CRYBG3: variants seen among roughly 807,000 people sequenced by gnomAD.
CRYBG3 encodes crystallin beta-gamma domain containing 3.
In CRYBG3, 127 loss-of-function variants were observed where a neutral mutation model predicts 244.2. That is an observed-to-expected ratio of 0.52 (90% confidence interval 0.45 to 0.60). CRYBG3 has a LOEUF of 0.60. CRYBG3 is among the 20% of genes least tolerant of loss of function. CRYBG3 has a pLI of 0.00. For synonymous variants in CRYBG3, 1,132 were observed against 1,195.8 expected, an observed-to-expected ratio of 0.95 and a Z score of 1.10; for missense variants, 3,325 against 3,442.5, an observed-to-expected ratio of 0.97 and a Z score of 0.85.
At chr3:97,846,230 T>C (rs1317087353) in intron 2 of CRYBG3, among the ~76,000 whole-genome samples, 1 of 152,226 alleles carries the variant, frequency 6.6e-6, no homozygotes, top group Non-Finnish European at 1.5e-5. Flanking sequence ...TCTTTGCTTC[T>C]GTGATATTGT....
At chr3:97,834,719 A>C (rs960933501) in intron 1 of CRYBG3, among the ~76,000 whole-genome samples, 1 of 152,134 alleles carries the variant, frequency 6.6e-6, no homozygotes, top group East Asian at 1.9e-4. Context: ...CAAATAAAAA[A>C]TTTTTGGCAA....
intron 3 of CRYBG3, chr3:97,867,019 A>T (rs892252519): frequency 6.6e-6 from 1 of 152,166 alleles, no homozygotes; most frequent in African/African-American, 2.4e-5. Flanking sequence ...TATGCCTAAG[A>T]ATTATAATTT....
At chr3:97,900,368 A>T (rs762991702) in intron 14 of CRYBG3, 85 bp from the exon 15 acceptor site, 13 of 865,624 alleles carry the variant, frequency 1.5e-5, no homozygotes, top group Middle Eastern at 2.6e-4. Context: ...AGAAAAAAAA[A>T]TTTTTTTCAA....
intron 1 of CRYBG3, among the ~76,000 whole-genome samples, chr3:97,833,006 C>G (rs901298054): frequency 2.0e-5 from 3 of 152,106 alleles, no homozygotes; most frequent in Non-Finnish European, 4.4e-5. Context: ...AAATCAAAAC[C>G]ACAATGAGAT....
chr3:97,923,393 C>CTA (rs1387918686), intron 17 of CRYBG3, among the ~76,000 whole-genome samples: 2 of 151,752 alleles, frequency 1.3e-5, no homozygotes, highest in Non-Finnish European at 2.9e-5. Context: ...TTAGCTGAAC[C>CTA]TATATATATA....
chr3:97,887,472 C>G (rs929239393), intron 8 of CRYBG3, among the ~76,000 whole-genome samples: 8 of 152,174 alleles, frequency 5.3e-5, no homozygotes, highest in Admixed American at 2.6e-4. Context: ...GGCAGGCTGG[C>G]CATGTGTGGT....
At chr3:97,844,328 C>G (rs1468024402) in intron 2 of CRYBG3, among the ~76,000 whole-genome samples, 1 of 152,120 alleles carries the variant, frequency 6.6e-6, no homozygotes. Flanking sequence ...TGCTGGTTTA[C>G]CATTGTATGG....
At chr3:97,826,236 G>A (rs940576070) in intron 1 of CRYBG3, among the ~76,000 whole-genome samples, 4 of 152,156 alleles carry the variant, frequency 2.6e-5, no homozygotes, top group African/African-American at 7.2e-5. Flanking sequence ...TCAATAAGGT[G>A]TCTACCAGAT....
chr3:97,916,055 A>G (rs2039925520), intron 17 of CRYBG3, among the ~76,000 whole-genome samples: 1 of 152,188 alleles, frequency 6.6e-6, no homozygotes, highest in Non-Finnish European at 1.5e-5. Context: ...TGTAAAAATA[A>G]AAATAAAATA....
chr3:97,880,837 G>A (rs1420565788), intron 6 of CRYBG3, among the ~76,000 whole-genome samples: 3 of 152,106 alleles, frequency 2.0e-5, no homozygotes, highest in Non-Finnish European at 2.9e-5. Context: ...AATATATTGT[G>A]GTACTATGTT....
intron 15 of CRYBG3, among the ~76,000 whole-genome samples, chr3:97,909,079 A>G (rs2039829045): frequency 6.6e-6 from 1 of 151,786 alleles, no homozygotes; most frequent in Non-Finnish European, 1.5e-5. Flanking sequence ...ATTGGCCCCC[A>G]CTCCCCTCTG....
chr3:97,872,989 G>A lies in CRYBG3; in HGVS notation c.1795G>A (p.Val599Ile). 6.5e-7 allele frequency: 1 copy of A among 1,535,814 alleles called. No individual in the cohort carries two copies. Among genetic ancestry groups the A allele is most frequent in the Non-Finnish European group, 8.7e-7 (1 of 1,146,782 alleles). Residue 599 changes from valine to isoleucine, a missense_variant, in exon 4 of 22, where the codon GTT (valine) becomes ATT (isoleucine). By Grantham distance (29) the Val-to-Ile change is conservative. This residue lies in a region of CRYBG3 where 1,526 missense variants were observed against 1,443.2 expected (regional missense o/e 1.06). Coordinates refer to ENST00000389622, the MANE Select transcript of CRYBG3 (RefSeq NM_153605.4). ...ASLNYISESA[V>I]VASLGNENAP... ...TTTAAATTACATCAGTGAATCAGCA[G>A]TTGTAGCAAGCTTAGGAAATGAAAA...
At chr3:97,829,314 A>C (rs186186101) in intron 1 of CRYBG3, among the ~76,000 whole-genome samples, 2 of 152,220 alleles carry the variant, frequency 1.3e-5, no homozygotes, top group Non-Finnish European at 2.9e-5. Flanking sequence ...AGACTTTTCT[A>C]TATTATTAAT....
chr3:97,873,108 T>G lies in CRYBG3; in HGVS notation c.1914T>G (p.Asp638Glu), dbSNP rs536372300. 1 of 1,535,476 alleles carries G rather than the reference T, an allele frequency of 6.5e-7. No individual in the cohort carries two copies. The highest frequency in any genetic ancestry group is 2.4e-5 in the East Asian group (1 of 40,912). Residue 638 changes from aspartate to glutamate, a missense_variant, in exon 4 of 22, where the codon GAT (aspartate) becomes GAG (glutamate). Asp to Glu is a conservative substitution (Grantham distance 45). Transcript: ENST00000389622. ...CTCAACAAGCTGAAGTATCACCTGA[T>G]GCTAAAACATCTCTTAGCCTTGACT... ...ESPQQAEVSP[D>E]AKTSLSLDCK...
intron 1 of CRYBG3, 112 bp downstream of exon 1, chr3:97,822,467 G>T (rs927411288): frequency 3.7e-5 from 38 of 1,032,770 alleles, no homozygotes; most frequent in Non-Finnish European, 4.9e-5. Flanking sequence ...CAGTTCGCTC[G>T]CCACTTTCTG....
Position 97,886,868 on chromosome 3 carries a change from C to T in CRYBG3, c.7289+101C>T, listed in dbSNP as rs573210007. 53 of 998,876 alleles carry T rather than the reference C, an allele frequency of 5.3e-5. No homozygotes were observed. In the South Asian group the frequency reaches 9.5e-4, roughly 18 times the overall value. The allele number at this position is 998,876 out of a possible 1,614,324, so 61.9% of individuals were successfully genotyped here. A position where few individuals can be genotyped will look rare whatever the true frequency, so the allele number is the denominator to read the frequency against. On this transcript the variant is annotated intron_variant, in intron 8 of 21. Transcript: ENST00000389622. ...CTAAAGTTTCTAGCTAATGTTTATA[C>T]TCTCAGTCACCCAAGAAAGACTGCA...
At chr3:97,937,385 T>G (rs535850396) in intron 19 of CRYBG3, among the ~76,000 whole-genome samples, 2 of 152,178 alleles carry the variant, frequency 1.3e-5, no homozygotes, top group South Asian at 2.1e-4. Context: ...CCACCTTGCT[T>G]CTCCAACCTC....
At position 97,875,663 on chromosome 3, in the gene CRYBG3, GT is replaced by G; in HGVS notation, c.4470del (p.Thr1491HisfsTer32). ...PLVNDDIHAP[G>X]TSKSSLSDSL... is the part of the protein sequence containing the mutation. ...GTGAATGATGACATCCATGCACCTGGTACATCTAAAAGCAGTTTGTCTGATA... is the reference window on the plus strand; with the variant it reads ...GTGAATGATGACATCCATGCACCTGGACATCTAAAAGCAGTTTGTCTGATA... On this transcript the variant is annotated frameshift_variant, in exon 4 of 22. Transcript: ENST00000389622. LOFTEE classifies it high-confidence loss of function. 1 of 1,233,370 alleles carries G rather than the reference GT, an allele frequency of 8.1e-7. No homozygotes were observed. The highest frequency in any genetic ancestry group is 1.0e-6 in the Non-Finnish European group (1 of 989,122). The allele number at this position is 1,233,370 out of a possible 1,614,324, so 76.4% of individuals were successfully genotyped here.
intron 1 of CRYBG3, among the ~76,000 whole-genome samples, chr3:97,823,514 T>G (rs951361541): frequency 2.0e-5 from 3 of 152,232 alleles, no homozygotes; most frequent in African/African-American, 7.2e-5. Context: ...CCAAGAAAGC[T>G]CCTACGATAA....
Sources: gnomAD v4.1 joint callset for allele counts (sites outside exome capture counted in the v4.1 genomes callset) on GRCh38, gnomAD v4.1.1 for gene constraint, gnomAD v4.1.1 regional missense constraint, MANE v1.5 for transcripts, NCBI Gene and HGNC (gene_info 2026-07-23, HGNC 2026-07-21) for gene names.